The following PABIR3 variants were observed in gnomAD, a reference collection of about 807,000 sequenced individuals.
PABIR3 encodes the protein PABIR family member 3.
In PABIR3, 20 loss-of-function variants were observed where a neutral mutation model predicts 23.1. The ratio of observed to expected loss-of-function variants is 0.86; its 90% CI spans 0.61 to 1.26. The LOEUF is 1.26. Ranked by LOEUF, PABIR3 falls within the 50% of genes most tolerant of loss-of-function variation. The probability of loss-of-function intolerance (pLI) is 0.00; values close to 1 mark genes in which losing one functional copy is unlikely to be tolerated. For missense variants in PABIR3, 189 were observed against 195.4 expected, an observed-to-expected ratio of 0.97 and a Z score of 0.20; for synonymous variants, 69 against 68.5, an observed-to-expected ratio of 1.01 and a Z score of -0.04.
chrX:134,805,839 G>A (rs969262912), upstream of PABIR3, among the ~76,000 whole-genome samples: 1 of 110,740 alleles, frequency 9.0e-6, no homozygotes, highest in African/African-American at 3.3e-5. Flanking sequence ...GGAGGTTGTG[G>A]TGAGCCAAGA....
chrX:134,860,010 CT>C, the PABIR3 span, among the ~76,000 whole-genome samples: 1 of 111,668 alleles, frequency 9.0e-6, no homozygotes, highest in Non-Finnish European at 1.9e-5. Context: ...ACATTAAACT[CT>C]ATAAGAGTGG....
chrX:134,825,326 A>G, intron 3 of PABIR3, among the ~76,000 whole-genome samples: 1 of 111,762 alleles, frequency 8.9e-6, no homozygotes, highest in Non-Finnish European at 1.9e-5. Flanking sequence ...TAATGGTGGT[A>G]GTAGTAATAG....
At chrX:134,811,298 T>G (rs1276810070) in intron 2 of PABIR3, 5 of 277,856 alleles carry the variant, frequency 1.8e-5, no homozygotes, top group Non-Finnish European at 2.4e-5. Flanking sequence ...CTCTGACCCT[T>G]ATTCAAAGAC....
At chrX:134,823,649 TGA>T (rs1176723762) in intron 3 of PABIR3, among the ~76,000 whole-genome samples, 1 of 111,584 alleles carries the variant, frequency 9.0e-6, no homozygotes, top group Non-Finnish European at 1.9e-5. Context: ...CATGTGTATA[TGA>T]GAGTTTTTCA....
Position 134,800,546 on chromosome X carries a change from C to T in PABIR3, c.-97-3555C>T, listed in dbSNP as rs751054845. Among the ~76,000 whole-genome samples, 166 of 111,854 alleles carry T rather than the reference C, an allele frequency of 1.5e-3. 1 individual carries two copies. The highest frequency in any genetic ancestry group is 2.4e-3 in the Non-Finnish European group (130 of 53,116). ...GTGGCTCACGCCTGTAATCCCAGCACTTTGGGAGGCCGAGGTGGGCGGATC... is the reference window on the plus strand; with the variant it reads ...GTGGCTCACGCCTGTAATCCCAGCATTTTGGGAGGCCGAGGTGGGCGGATC... On this transcript the variant is annotated intron_variant, in intron 1 of 4. Transcript: ENST00000414371.
chrX:134,850,075 A>G (rs1266624196), intron 9 of PABIR3, among the ~76,000 whole-genome samples: 2 of 107,685 alleles, frequency 1.9e-5, no homozygotes, highest in African/African-American at 6.8e-5. Context: ...GAGTTTCACC[A>G]TGTTGGCCAG....
At chrX:134,859,026 G>T (rs1433447836), downstream of PABIR3, among the ~76,000 whole-genome samples, 1 of 111,696 alleles carries the variant, frequency 9.0e-6, no homozygotes. Flanking sequence ...TAACATAAAT[G>T]CTCATGTCAG....
intron 7 of PABIR3, 118 bp from the exon 8 acceptor site, chrX:134,847,765 A>C (rs2148349563): frequency 3.6e-6 from 2 of 553,940 alleles, no homozygotes; most frequent in East Asian, 7.3e-5. Context: ...ACAATTTCCT[A>C]ATGATCTTTT....
chrX:134,809,153 C>A, intron 2 of PABIR3: 1 of 152,240 alleles, frequency 6.6e-6, no homozygotes, highest in Non-Finnish European at 1.2e-5. Context: ...TCTGGGATTA[C>A]TAAATCTTGT....
intron 7 of PABIR3, 59 bp from the exon 8 acceptor site, chrX:134,847,824 A>G: frequency 2.0e-6 from 2 of 982,148 alleles, no homozygotes; most frequent in South Asian, 2.1e-5. Context: ...TAGGAAACCA[A>G]TGATCTGCTT....
chrX:134,807,053 G>T, upstream of PABIR3: 11 of 425,284 alleles, frequency 2.6e-5, no homozygotes, highest in Non-Finnish European at 3.2e-5. Context: ...GAAAGAGGAA[G>T]GAGGGCAGGA....
intron 3 of PABIR3, among the ~76,000 whole-genome samples, chrX:134,817,860 C>G (rs973119581): frequency 9.0e-6 from 1 of 111,004 alleles, no homozygotes; most frequent in East Asian, 2.8e-4. Flanking sequence ...AAAGATTGCC[C>G]TGGCTGCAGA....
Position 134,814,800 on chromosome X carries a change from T to A in PABIR3, c.140T>A (p.Met47Lys). The part of the protein sequence containing the change: ...GFNSQVLQAD[M>K]LRIRTNRTTF... ...AATTCACAGGTGTTGCAAGCTGACA[T>A]GTTAAGAATTAGGACAAACAGAACA... Residue 47 changes from methionine (M) to lysine (K), a missense_variant, in exon 3 of 11, where the codon ATG becomes AAG. Met to Lys is a moderately conservative substitution (Grantham distance 95). Transcript: ENST00000645433. 1 of 1,201,289 alleles carries A rather than the reference T, an allele frequency of 8.3e-7. No homozygotes were observed. The highest frequency in any genetic ancestry group is 1.1e-6 in the Non-Finnish European group (1 of 890,575).
At chrX:134,799,662 T>C (rs1284283538) in intron 1 of PABIR3, 1 of 112,277 alleles carries the variant, frequency 8.9e-6, no homozygotes, top group Non-Finnish European at 1.9e-5. Flanking sequence ...CAAAAATTTG[T>C]CATACAAGAT....
At chrX:134,825,342 A>G (rs1290879602) in intron 3 of PABIR3, among the ~76,000 whole-genome samples, 1 of 111,728 alleles carries the variant, frequency 9.0e-6, no homozygotes, top group Non-Finnish European at 1.9e-5. Context: ...AATAGTTACC[A>G]TTTATTTAGC....
chrX:134,859,213 C>A (rs2082761804), downstream of PABIR3, among the ~76,000 whole-genome samples: 1 of 111,580 alleles, frequency 9.0e-6, no homozygotes, highest in African/African-American at 3.3e-5. Context: ...AAGGTCCCTT[C>A]TGCCTCTAAA....
At chrX:134,807,201 C>A, upstream of PABIR3, 1 of 815,992 alleles carries the variant, frequency 1.2e-6, no homozygotes, top group Middle Eastern at 6.2e-4. Context: ...GGGGCGGGAC[C>A]CAACTGATTG....
At chrX:134,853,953 G>T in intron 10 of PABIR3, 138 bp from the exon 11 acceptor site, 1 of 605,024 alleles carries the variant, frequency 1.7e-6, no homozygotes, top group Admixed American at 3.1e-5. Flanking sequence ...TGGTTTCATT[G>T]TATGACTCTT....
intron 2 of PABIR3, chrX:134,809,859 A>C (rs186922062): frequency 2.7e-6 from 2 of 752,651 alleles, no homozygotes; most frequent in Admixed American, 8.8e-5. Flanking sequence ...CATTTGAGGT[A>C]GGAGAGAATA....
Sources: gnomAD v4.1 joint callset for allele counts (sites outside exome capture counted in the v4.1 genomes callset) on GRCh38, gnomAD v4.1.1 for gene constraint, MANE v1.5 for transcripts, NCBI Gene and HGNC (gene_info 2026-07-23, HGNC 2026-07-21) for gene names.